The following PSPC1 variants were observed in gnomAD, a reference collection of about 807,000 sequenced individuals.
PSPC1 encodes paraspeckle component 1.
In PSPC1, 14 loss-of-function variants were observed where a neutral mutation model predicts 51.6. The ratio of observed to expected loss-of-function variants is 0.27; its 90% CI spans 0.18 to 0.42. PSPC1 has a LOEUF of 0.42. PSPC1 is among the 10% of genes least tolerant of loss of function. The pLI is 1.00. For missense variants in PSPC1, 406 were observed against 701.1 expected, an observed-to-expected ratio of 0.58 and a Z score of 4.75; for synonymous variants, 193 against 231.9, an observed-to-expected ratio of 0.83 and a Z score of 1.53.
At chr13:19,706,944 C>A (rs578185275) in intron 7 of PSPC1, among the ~76,000 whole-genome samples, 21 of 152,216 alleles carry the variant, frequency 1.4e-4, no homozygotes, top group African/African-American at 4.1e-4. Context: ...CCTTCATCCC[C>A]AAATGCTCTT....
chr13:19,706,499 T>A (rs1021984836), intron 7 of PSPC1, among the ~76,000 whole-genome samples: 1 of 152,136 alleles, frequency 6.6e-6, no homozygotes, highest in African/African-American at 2.4e-5. Flanking sequence ...GATAAAATAT[T>A]AATATAGCTA....
At chr13:19,705,050 C>CT (rs1880470474) in intron 8 of PSPC1, among the ~76,000 whole-genome samples, 1 of 152,132 alleles carries the variant, frequency 6.6e-6, no homozygotes, top group Non-Finnish European at 1.5e-5. Context: ...GAAAAGAACA[C>CT]TATCATAAAA....
intron 2 of PSPC1, among the ~76,000 whole-genome samples, chr13:19,764,847 C>T (rs966164871): frequency 6.6e-6 from 1 of 152,046 alleles, no homozygotes; most frequent in African/African-American, 2.4e-5. Context: ...GATCCTCCCA[C>T]CTCAGCCTCC....
intron 6 of PSPC1, among the ~76,000 whole-genome samples, chr13:19,724,871 C>G (rs138457613): frequency 6.6e-6 from 1 of 151,910 alleles, no homozygotes; most frequent in Admixed American, 6.6e-5. Flanking sequence ...TGGTGGCGCA[C>G]GCCTGTAGTC....
downstream of PSPC1, among the ~76,000 whole-genome samples, chr13:19,701,735 AGT>A (rs1315600826): frequency 6.6e-6 from 1 of 152,192 alleles, no homozygotes; most frequent in African/African-American, 2.4e-5. Flanking sequence ...CTATTTACAT[AGT>A]GTTTATTTTA....
At chr13:19,677,953 G>A (rs9508836) in intron 6 of PSPC1, 279,234 of 381,486 alleles carry the variant, frequency 0.73, 105,749 homozygotes, top group East Asian at 0.89. Flanking sequence ...GTAGTGCTGC[G>A]TGCTGATTAT....
intron 2 of PSPC1, among the ~76,000 whole-genome samples, chr13:19,769,930 C>T (rs1010379059): frequency 2.4e-4 from 37 of 152,142 alleles, no homozygotes; most frequent in African/African-American, 8.4e-4. Context: ...TAAATATTTA[C>T]CTAAGCCACA....
chr13:19,770,465 G>C (rs1888522220), intron 2 of PSPC1, among the ~76,000 whole-genome samples: 2 of 152,056 alleles, frequency 1.3e-5, no homozygotes, highest in Admixed American at 1.3e-4. Flanking sequence ...TTCGAGACCA[G>C]CCTGGCCAAC....
At chr13:19,695,302 ACAG>A (rs1004795888) in intron 6 of PSPC1, among the ~76,000 whole-genome samples, 2 of 152,196 alleles carry the variant, frequency 1.3e-5, no homozygotes, top group Non-Finnish European at 2.9e-5. Context: ...TGTAGCACAA[ACAG>A]CAGAACATAA....
At chr13:19,769,548 G>C (rs931889179) in intron 2 of PSPC1, among the ~76,000 whole-genome samples, 1 of 149,798 alleles carries the variant, frequency 6.7e-6, no homozygotes, top group Admixed American at 6.7e-5. Flanking sequence ...GCGAGACTCC[G>C]TCTCAAAAAA....
At chr13:19,686,183 C>A (rs1877855591) in intron 6 of PSPC1, among the ~76,000 whole-genome samples, 1 of 152,172 alleles carries the variant, frequency 6.6e-6, no homozygotes, top group African/African-American at 2.4e-5. Flanking sequence ...CCGCTGAATT[C>A]CCATTTTATT....
chr13:19,710,651 A>G (rs1394786344), intron 6 of PSPC1, among the ~76,000 whole-genome samples: 2 of 152,206 alleles, frequency 1.3e-5, no homozygotes, highest in Non-Finnish European at 2.9e-5. Context: ...ATGGAAACGT[A>G]ATTGCCATTA....
intron 4 of PSPC1, among the ~76,000 whole-genome samples, chr13:19,742,331 G>T (rs186673113): frequency 6.6e-6 from 1 of 151,394 alleles, no homozygotes; most frequent in African/African-American, 2.4e-5. Context: ...AAAATAGGTA[G>T]GCTGGCTTGT....
chr13:19,682,681 C>T (rs926398736), intron 6 of PSPC1, among the ~76,000 whole-genome samples: 2 of 151,946 alleles, frequency 1.3e-5, no homozygotes, highest in South Asian at 2.1e-4. Context: ...TGCGGAGGAA[C>T]GGAAATCTTA....
chr13:19,741,330 A>T (rs951257121), intron 5 of PSPC1, among the ~76,000 whole-genome samples: 2 of 152,228 alleles, frequency 1.3e-5, no homozygotes, highest in African/African-American at 4.8e-5. Flanking sequence ...AATTACATAT[A>T]ATAATACCTA....
chr13:19,764,372 T>C (rs1887863342), intron 2 of PSPC1, among the ~76,000 whole-genome samples: 1 of 152,208 alleles, frequency 6.6e-6, no homozygotes, highest in Non-Finnish European at 1.5e-5. Flanking sequence ...AATAATTTTT[T>C]TAACCATACC....
chr13:19,779,909 T>TG (rs1889719394), intron 1 of PSPC1, among the ~76,000 whole-genome samples: 2 of 91,506 alleles, frequency 2.2e-5, no homozygotes, highest in Admixed American at 1.1e-4. Flanking sequence ...GGGAGGGAGG[T>TG]GGGGGTGTCG....
At chr13:19,761,185 G>A (rs1887576284) in intron 2 of PSPC1, among the ~76,000 whole-genome samples, 1 of 151,920 alleles carries the variant, frequency 6.6e-6, no homozygotes, top group African/African-American at 2.4e-5. Flanking sequence ...CAGACAAAAA[G>A]GGAAAAAGGG....
At chr13:19,781,932 A>T (rs1174122513) in intron 1 of PSPC1, among the ~76,000 whole-genome samples, 1 of 152,206 alleles carries the variant, frequency 6.6e-6, no homozygotes, top group Non-Finnish European at 1.5e-5. Context: ...GGTCCGACTT[A>T]AGCTTCCTTT....
Sources: gnomAD v4.1 joint callset for allele counts (sites outside exome capture counted in the v4.1 genomes callset) on GRCh38, gnomAD v4.1.1 for gene constraint, MANE v1.5 for transcripts, NCBI Gene and HGNC (gene_info 2026-07-23, HGNC 2026-07-21) for gene names.